GRM5: variants seen among roughly 807,000 people sequenced by gnomAD.
GRM5 encodes glutamate metabotropic receptor 5, also known as metabotropic glutamate receptor 5.
Under a neutral mutation model 83.1 loss-of-function variants are expected in GRM5, and 19 were observed. That is an observed-to-expected ratio of 0.23 (90% CI 0.16 to 0.34). The LOEUF is 0.34. Among genes scored for constraint, GRM5 ranks in the 10% least tolerant of loss-of-function variants. The pLI is 1.00. For missense variants in GRM5, 1,160 were observed against 1,588.3 expected, an observed-to-expected ratio of 0.73 and a Z score of 4.58; for synonymous variants, 675 against 633.6, an observed-to-expected ratio of 1.07 and a Z score of -0.98.
At chr11:88,554,565 C>CATGTAGCAATTCTACATGTTTTACATGT (rs1341886658) in intron 8 of GRM5, among the ~76,000 whole-genome samples, 1 of 152,120 alleles carries the variant, frequency 6.6e-6, no homozygotes, top group Admixed American at 6.5e-5. Flanking sequence ...TTTGTTTTTA[C>CATGTAGCAATTCTACATGTTTTACATGT]AGCAATTCTA....
At chr11:88,850,605 C>G (rs1944373443) in intron 2 of GRM5, among the ~76,000 whole-genome samples, 1 of 149,634 alleles carries the variant, frequency 6.7e-6, no homozygotes, top group Non-Finnish European at 1.5e-5. Flanking sequence ...ATAGATGTTG[C>G]CATATAAATA....
intron 2 of GRM5, among the ~76,000 whole-genome samples, chr11:89,018,993 T>C (rs1414161456): frequency 6.6e-6 from 1 of 152,188 alleles, no homozygotes; most frequent in African/African-American, 2.4e-5. Flanking sequence ...ACTTCCTTAG[T>C]GTCTTCCTAG....
chr11:88,871,450 G>A (rs972962930), intron 2 of GRM5, among the ~76,000 whole-genome samples: 1 of 151,540 alleles, frequency 6.6e-6, no homozygotes, highest in Non-Finnish European at 1.5e-5. Flanking sequence ...AGTGTTAAAT[G>A]CCATAATGCA....
intron 5 of GRM5, among the ~76,000 whole-genome samples, chr11:88,599,443 A>G (rs1937914232): frequency 6.6e-6 from 1 of 152,226 alleles, no homozygotes; most frequent in South Asian, 2.1e-4. Context: ...CTGTGAAAAT[A>G]GAACATTGCT....
chr11:88,507,709 A>T lies in GRM5; in HGVS notation c.*883T>A, dbSNP rs1212664002. On this transcript the variant is annotated 3_prime_UTR_variant, in exon 10 of 10. Transcript: ENST00000305447. Reference sequence around the variant, plus strand: ...GAAAGAGATAGCCAGGCTGGAGCTCAAGAATGATTTTTATAAAGAGAATTT... The same window carrying T: ...GAAAGAGATAGCCAGGCTGGAGCTCTAGAATGATTTTTATAAAGAGAATTT... 1 of 152,512 alleles carries T rather than the reference A, an allele frequency of 6.6e-6. No individual in the cohort carries two copies. The highest frequency in any genetic ancestry group is 1.5e-5 in the Non-Finnish European group (1 of 68,042). The allele number at this position is 152,512 out of a possible 1,614,324, so 9.4% of individuals were successfully genotyped here. A position where few individuals can be genotyped will look rare whatever the true frequency, so the allele number is the denominator to read the frequency against.
chr11:88,871,924 A>G (rs567946917), intron 2 of GRM5, among the ~76,000 whole-genome samples: 3 of 151,646 alleles, frequency 2.0e-5, no homozygotes, highest in African/African-American at 4.8e-5. Context: ...AAAAAGTTCA[A>G]TAGAATTCAT....
intron 4 of GRM5, among the ~76,000 whole-genome samples, chr11:88,647,534 T>C (rs1312773325): frequency 1.3e-5 from 2 of 152,016 alleles, no homozygotes; most frequent in African/African-American, 4.8e-5. Context: ...ACGTTAGACC[T>C]AAAACCATAA....
chr11:88,885,450 GTTTTTTTTTTTTTTTT>G lies in GRM5; in HGVS notation c.662-35311_662-35296del, dbSNP rs61456975. Among the ~76,000 whole-genome samples the G allele has an allele frequency of 1.5e-3, 94 of 62,666 alleles. 1 individual carries two copies. The highest frequency in any genetic ancestry group is 0.012 in the Middle Eastern group (1 of 84). 41.1% of individuals were successfully genotyped at this position (62,666 alleles called of 152,430 possible). A position where few individuals can be genotyped will look rare whatever the true frequency, so the allele number is the denominator to read the frequency against. ...TTCTGAATTCTATAGTAGGTACCATGTTTTTTTTTTTTTTTTTTTTTTTTTTTTTTTTTTTTGGTAA... is the reference window on the plus strand; with the variant it reads ...TTCTGAATTCTATAGTAGGTACCATGTTTTTTTTTTTTTTTTTTTTGGTAA... On this transcript the variant is annotated intron_variant, in intron 2 of 9. Transcript: ENST00000305447.
chr11:88,551,580 G>A (rs2135147625), intron 8 of GRM5, among the ~76,000 whole-genome samples: 1 of 152,238 alleles, frequency 6.6e-6, no homozygotes, highest in South Asian at 2.1e-4. Flanking sequence ...TTATTCACAA[G>A]GTCAAGCTTT....
intron 2 of GRM5, among the ~76,000 whole-genome samples, chr11:88,868,403 G>T (rs1253310898): frequency 6.6e-6 from 1 of 151,656 alleles, no homozygotes; most frequent in Non-Finnish European, 1.5e-5. Flanking sequence ...TTCATAAGGT[G>T]GTTATGAGGA....
At chr11:88,900,531 A>C (rs564948981) in intron 2 of GRM5, among the ~76,000 whole-genome samples, 151 of 152,246 alleles carry the variant, frequency 9.9e-4, no homozygotes, top group African/African-American at 3.5e-3. Flanking sequence ...CATGTTGGTT[A>C]AAATGATCAT....
chr11:88,812,487 G>A (rs1182701113), intron 3 of GRM5, among the ~76,000 whole-genome samples: 3 of 152,114 alleles, frequency 2.0e-5, no homozygotes, highest in Admixed American at 6.5e-5. Flanking sequence ...TGGAAGAGAT[G>A]GTTCTGAACC....
chr11:88,848,030 T>C (rs1944327253), intron 3 of GRM5, among the ~76,000 whole-genome samples: 1 of 152,180 alleles, frequency 6.6e-6, no homozygotes, highest in East Asian at 1.9e-4. Flanking sequence ...ATGGAGCAGA[T>C]AGGAATCGTG....
At chr11:88,701,322 G>T (rs976383200) in intron 3 of GRM5, among the ~76,000 whole-genome samples, 1 of 152,088 alleles carries the variant, frequency 6.6e-6, no homozygotes, top group Non-Finnish European at 1.5e-5. Context: ...CAAGTACAGT[G>T]GTCATGGACT....
Position 88,653,337 on chromosome 11 carries a change from T to C in GRM5, c.978A>G (p.Thr326=). The change falls in exon 4 of 10, where the codon ACA becomes ACG. Residue 326 remains threonine (T), a synonymous_variant. Transcript: ENST00000305447. ...TGACATCGGGAGATTGGAGCTTGAT[T>C]GTGATGCCACCAACAGCTTCTCGCT... ...GYQREAVGGI[T]IKLQSPDVKW... is the part of the protein sequence containing the mutation. 1.2e-6 allele frequency: 2 copies of C among 1,613,172 alleles called. No homozygotes were observed. The highest frequency in any genetic ancestry group is 1.7e-6 in the Non-Finnish European group (2 of 1,179,410).
intron 4 of GRM5, among the ~76,000 whole-genome samples, chr11:88,630,209 C>G (rs533272948): frequency 6.6e-6 from 1 of 152,258 alleles, no homozygotes; most frequent in South Asian, 2.1e-4. Context: ...TTATCACCAT[C>G]TAATATAGTA....
chr11:88,659,284 T>C (rs776457661), intron 3 of GRM5, among the ~76,000 whole-genome samples: 4 of 152,018 alleles, frequency 2.6e-5, no homozygotes, highest in Admixed American at 2.6e-4. Context: ...TGAATATGAG[T>C]TGGGATCTGT....
intron 2 of GRM5, among the ~76,000 whole-genome samples, chr11:89,029,533 C>T (rs1257944633): frequency 6.6e-6 from 1 of 152,242 alleles, no homozygotes; most frequent in East Asian, 1.9e-4. Context: ...CTATAGAATG[C>T]TTTTCTAGTT....
chr11:88,704,233 G>A (rs532887576), intron 3 of GRM5, among the ~76,000 whole-genome samples: 1 of 152,060 alleles, frequency 6.6e-6, no homozygotes, highest in Admixed American at 6.6e-5. Flanking sequence ...GGCTTAGGGT[G>A]TCAATATATG....
Sources: gnomAD v4.1 joint callset for allele counts (sites outside exome capture counted in the v4.1 genomes callset) on GRCh38, gnomAD v4.1.1 for gene constraint, MANE v1.5 for transcripts, NCBI Gene and HGNC (gene_info 2026-07-23, HGNC 2026-07-21) for gene names.